RFX3: variants seen among roughly 807,000 people sequenced by gnomAD.
RFX3 encodes regulatory factor X3.
A neutral mutation model predicts 98.6 loss-of-function variants in RFX3; 14 were observed. The ratio of observed to expected loss-of-function variants is 0.14; its 90% CI spans 0.09 to 0.22. RFX3 has a LOEUF of 0.22. RFX3 is among the 10% of genes least tolerant of loss of function. The pLI is 1.00. For missense variants in RFX3, 639 were observed against 926.9 expected (o/e 0.69, Z 4.03); for synonymous variants, 383 against 328.4 (o/e 1.17, Z -1.80).
chr9:3,366,713 T>TCTTTCTTTCTTTC (rs1837209311), intron 2 of RFX3, among the ~76,000 whole-genome samples: 2 of 138,978 alleles, frequency 1.4e-5, no homozygotes, highest in Admixed American at 1.4e-4. Flanking sequence ...TTTCTTTCTT[T>TCTTTCTTTCTTTC]CTTTCTTTCT....
At chr9:3,284,755 T>A (rs1586877386) in intron 7 of RFX3, among the ~76,000 whole-genome samples, 1 of 151,794 alleles carries the variant, frequency 6.6e-6, no homozygotes, top group East Asian at 1.9e-4. Context: ...TGACTGCCTG[T>A]GAATCAAGTG....
chr9:3,281,349 A>T (rs551267353), intron 7 of RFX3, among the ~76,000 whole-genome samples: 5 of 151,276 alleles, frequency 3.3e-5, no homozygotes, highest in African/African-American at 1.2e-4. Context: ...AACAGGTAAG[A>T]TTTCCATTGA....
intron 2 of RFX3, among the ~76,000 whole-genome samples, chr9:3,369,967 T>C (rs1837631628): frequency 6.7e-6 from 1 of 150,160 alleles, no homozygotes; most frequent in Admixed American, 6.6e-5. Context: ...TAGCTGGGAC[T>C]ACAGGCGCCC....
intron 1 of RFX3, among the ~76,000 whole-genome samples, chr9:3,433,406 G>A (rs1342575650): frequency 1.3e-5 from 2 of 152,048 alleles, no homozygotes; most frequent in Non-Finnish European, 2.9e-5. Context: ...TCTTCCTTAC[G>A]ATTTTCTTGG....
chr9:3,271,231 G>C, intron 9 of RFX3, 113 bp from the exon 10 acceptor site: 1 of 739,060 alleles, frequency 1.4e-6, no homozygotes, highest in Admixed American at 2.5e-5. Flanking sequence ...GGGGTCATAA[G>C]TTAACATGGT....
At chr9:3,290,245 T>C (rs1301855896) in intron 6 of RFX3, among the ~76,000 whole-genome samples, 1 of 150,614 alleles carries the variant, frequency 6.6e-6, no homozygotes, top group Non-Finnish European at 1.5e-5. Flanking sequence ...TGTTACCTAG[T>C]TGGGGGTGGG....
intron 5 of RFX3, among the ~76,000 whole-genome samples, chr9:3,300,212 C>G (rs1828477233): frequency 6.6e-6 from 1 of 151,656 alleles, no homozygotes; most frequent in Non-Finnish European, 1.5e-5. Flanking sequence ...GAGTGACATA[C>G]TAAATACCAA....
rs150175782 is a variant in RFX3 at position 3,396,522 on chromosome 9, G to T, written c.-8-926C>A. 2.6e-5 allele frequency among the ~76,000 whole-genome samples: 4 copies of T among 152,284 alleles called. No homozygotes were observed. In the East Asian group the frequency reaches 7.7e-4, roughly 29 times the overall value. ...ACATATGTGTTCGTGTGTCTTTATA[G>T]CAGCATGACTTATAATCCTTTGGGT... On this transcript the variant is annotated intron_variant, in intron 1 of 16. Transcript: ENST00000617270.
chr9:3,269,289 G>A (rs1415757236), intron 11 of RFX3, among the ~76,000 whole-genome samples: 1 of 151,828 alleles, frequency 6.6e-6, no homozygotes, highest in Non-Finnish European at 1.5e-5. Context: ...ACCTTCTACT[G>A]TTGTCTATTG....
intron 4 of RFX3, chr9:3,324,200 G>A (rs1037105378): frequency 1.3e-5 from 3 of 225,740 alleles, no homozygotes; most frequent in African/African-American, 6.8e-5. Context: ...AAAATATTGA[G>A]GCTAACTGTA....
chr9:3,470,496 C>CT (rs200370245), intron 1 of RFX3, among the ~76,000 whole-genome samples: 3,195 of 143,714 alleles, frequency 0.022, 86 homozygotes, highest in African/African-American at 0.059. Flanking sequence ...TTCTTTTTTT[C>CT]TTTTTTTTTT....
chr9:3,414,035 C>T (rs1044737740), intron 1 of RFX3, among the ~76,000 whole-genome samples: 2 of 152,028 alleles, frequency 1.3e-5, no homozygotes, highest in African/African-American at 4.8e-5. Flanking sequence ...CACATATCTG[C>T]TAATAAACTT....
At chr9:3,225,669 C>T (rs1817680869) in intron 16 of RFX3, among the ~76,000 whole-genome samples, 1 of 150,672 alleles carries the variant, frequency 6.6e-6, no homozygotes, top group Non-Finnish European at 1.5e-5. Context: ...AACGCAAACA[C>T]AAAAAAAGTG....
At chr9:3,451,923 AATTGTACAATTTCAATTGTACAATTCTTC>A in intron 1 of RFX3, among the ~76,000 whole-genome samples, 1 of 151,826 alleles carries the variant, frequency 6.6e-6, no homozygotes, top group African/African-American at 2.4e-5. Context: ...TCAATTTTGG[AATTGTACAATTTCAATTGTACAATTCTTC>A]GTTACACTCT....
At chr9:3,518,779 T>TTA (rs1818428682) in intron 1 of RFX3, among the ~76,000 whole-genome samples, 2 of 152,350 alleles carry the variant, frequency 1.3e-5, no homozygotes, top group East Asian at 3.9e-4. Context: ...TGATTTCATA[T>TTA]TATATATTAC....
chr9:3,459,728 C>T (rs971386612), intron 1 of RFX3, among the ~76,000 whole-genome samples: 2 of 152,004 alleles, frequency 1.3e-5, no homozygotes, highest in Non-Finnish European at 2.9e-5. Context: ...CCTTCTCAAT[C>T]TTCTCGTGAA....
chr9:3,367,486 C>T (rs182610574), intron 2 of RFX3, among the ~76,000 whole-genome samples: 56 of 152,272 alleles, frequency 3.7e-4, no homozygotes, highest in Non-Finnish European at 6.3e-4. Flanking sequence ...CAATCAAGCA[C>T]CCCCAGACTT....
At chr9:3,339,831 G>C (rs1176590646) in intron 3 of RFX3, among the ~76,000 whole-genome samples, 1 of 152,092 alleles carries the variant, frequency 6.6e-6, no homozygotes, top group Non-Finnish European at 1.5e-5. Flanking sequence ...TACTGCCCAA[G>C]GTAATTTATA....
intron 4 of RFX3, among the ~76,000 whole-genome samples, chr9:3,323,300 T>C (rs1305409329): frequency 1.3e-5 from 2 of 152,218 alleles, no homozygotes; most frequent in Non-Finnish European, 2.9e-5. Context: ...CATGGGCCAG[T>C]AGAAGAGGCA....
Sources: gnomAD v4.1 joint callset for allele counts (sites outside exome capture counted in the v4.1 genomes callset) on GRCh38, gnomAD v4.1.1 for gene constraint, MANE v1.5 for transcripts, NCBI Gene and HGNC (gene_info 2026-07-23, HGNC 2026-07-21) for gene names.